PLD5: variants seen among roughly 807,000 people sequenced by gnomAD.
PLD5 encodes phospholipase D family member 5.
Under a neutral mutation model 61.1 loss-of-function variants are expected in PLD5, and 36 were observed. That is an observed-to-expected ratio of 0.59 (90% confidence interval 0.45 to 0.78). The LOEUF (loss-of-function observed/expected upper bound fraction) is 0.78, where lower values mean the gene tolerates loss of function less well. Among genes scored for constraint, PLD5 ranks in the 30% least tolerant of loss-of-function variants. PLD5 has a pLI of 0.00. For synonymous variants in PLD5, 243 were observed against 242.8 expected (o/e 1.00, Z -0.01); for missense variants, 515 against 644.4 (o/e 0.80, Z 2.17).
chr1:242,380,621 A>C (rs1035265713), intron 1 of PLD5, among the ~76,000 whole-genome samples: 5 of 152,102 alleles, frequency 3.3e-5, no homozygotes, highest in Non-Finnish European at 5.9e-5. Context: ...CAACCTACAA[A>C]ATGGAAGAAA....
intron 5 of PLD5, among the ~76,000 whole-genome samples, chr1:242,181,568 T>C (rs1011791382): frequency 2.0e-5 from 3 of 152,168 alleles, no homozygotes; most frequent in African/African-American, 7.2e-5. Flanking sequence ...AAACATCCTC[T>C]GCCTCCTGAG....
At chr1:242,294,094 A>G (rs749240978) in intron 2 of PLD5, among the ~76,000 whole-genome samples, 5 of 152,140 alleles carry the variant, frequency 3.3e-5, no homozygotes, top group Non-Finnish European at 5.9e-5. Context: ...TGGAATACCT[A>G]TTTGCCATCC....
chr1:242,164,206 T>C (rs768370451), intron 5 of PLD5, among the ~76,000 whole-genome samples: 1 of 152,004 alleles, frequency 6.6e-6, no homozygotes, highest in East Asian at 1.9e-4. Context: ...CATGCAATTA[T>C]GGAAAGTGCA....
intron 1 of PLD5, among the ~76,000 whole-genome samples, chr1:242,369,762 T>C (rs1661531640): frequency 6.6e-6 from 1 of 152,200 alleles, no homozygotes; most frequent in African/African-American, 2.4e-5. Flanking sequence ...TCTTGGACTA[T>C]ACCATCTCAA....
intron 5 of PLD5, among the ~76,000 whole-genome samples, chr1:242,131,013 ACTC>A (rs1281683180): frequency 6.6e-6 from 1 of 151,792 alleles, no homozygotes; most frequent in Non-Finnish European, 1.5e-5. Context: ...TTTATTGAAA[ACTC>A]AAGTTATGGC....
At chr1:242,486,418 CT>C (rs1245171744) in intron 1 of PLD5, among the ~76,000 whole-genome samples, 2 of 152,154 alleles carry the variant, frequency 1.3e-5, no homozygotes, top group African/African-American at 4.8e-5. Flanking sequence ...ACAGACACTT[CT>C]CAAAAGAAGA....
At chr1:242,302,029 C>T (rs1676079794) in intron 2 of PLD5, among the ~76,000 whole-genome samples, 2 of 152,196 alleles carry the variant, frequency 1.3e-5, no homozygotes, top group African/African-American at 2.4e-5. Flanking sequence ...GATCCGCCCA[C>T]CTTGGTCTCC....
intron 1 of PLD5, among the ~76,000 whole-genome samples, chr1:242,422,347 T>C (rs1665191584): frequency 6.6e-6 from 1 of 152,186 alleles, no homozygotes; most frequent in Non-Finnish European, 1.5e-5. Context: ...TTCCATTTCA[T>C]CTTCTTGGGA....
intron 1 of PLD5, among the ~76,000 whole-genome samples, chr1:242,514,399 G>A (rs1044689710): frequency 6.6e-6 from 1 of 152,118 alleles, no homozygotes; most frequent in Non-Finnish European, 1.5e-5. Flanking sequence ...TCTGGACAAG[G>A]CATGATTTAA....
intron 5 of PLD5, among the ~76,000 whole-genome samples, chr1:242,161,074 AAT>A (rs1665788310): frequency 6.6e-6 from 1 of 152,060 alleles, no homozygotes; most frequent in Non-Finnish European, 1.5e-5. Flanking sequence ...TAAATCATAA[AAT>A]ATTTTAATAG....
Position 242,131,624 on chromosome 1 carries a change from A to G in PLD5, c.736-6959T>C, listed in dbSNP as rs573926179. Among the ~76,000 whole-genome samples the G allele has an allele frequency of 5.3e-4, 81 of 152,252 alleles. 3 individuals are homozygous for G. The South Asian group carries it at 0.016, about 30-fold the overall frequency. On this transcript the variant is annotated intron_variant, in intron 5 of 9. Transcript: ENST00000536534. Reference sequence around the variant, plus strand: ...TCTTCAAGAAAGCTGATACAAGAATACTCAAAAATGAGTTTAATGTTTCAT... The same window carrying G: ...TCTTCAAGAAAGCTGATACAAGAATGCTCAAAAATGAGTTTAATGTTTCAT...
chr1:242,299,733 T>A (rs577012887), intron 2 of PLD5, among the ~76,000 whole-genome samples: 3 of 152,262 alleles, frequency 2.0e-5, no homozygotes, highest in Non-Finnish European at 4.4e-5. Flanking sequence ...TATGTTTGAT[T>A]GTTTTTGTTT....
At chr1:242,519,246 G>C (rs185610683) in intron 1 of PLD5, among the ~76,000 whole-genome samples, 3 of 152,252 alleles carry the variant, frequency 2.0e-5, no homozygotes, top group Admixed American at 2.0e-4. Context: ...CATAATATGA[G>C]CCTAGACCGC....
chr1:242,357,499 T>C (rs1660819221), intron 1 of PLD5, among the ~76,000 whole-genome samples: 1 of 151,842 alleles, frequency 6.6e-6, no homozygotes, highest in Non-Finnish European at 1.5e-5. Context: ...CTTTTTTTTT[T>C]TTTGAGACGG....
intron 4 of PLD5, among the ~76,000 whole-genome samples, chr1:242,238,206 T>C (rs982009769): frequency 1.3e-5 from 2 of 152,174 alleles, no homozygotes; most frequent in African/African-American, 4.8e-5. Context: ...ACTAGGCATG[T>C]CCAGGTATGC....
intron 5 of PLD5, among the ~76,000 whole-genome samples, chr1:242,128,582 G>A (rs1361163444): frequency 1.3e-5 from 2 of 152,182 alleles, no homozygotes; most frequent in Non-Finnish European, 1.5e-5. Context: ...ACTATTGCAA[G>A]CTCCACCAAT....
intron 5 of PLD5, among the ~76,000 whole-genome samples, chr1:242,196,589 T>C (rs1043309815): frequency 6.6e-6 from 1 of 152,236 alleles, no homozygotes; most frequent in Non-Finnish European, 1.5e-5. Context: ...TACATATACA[T>C]GTACACACAC....
intron 1 of PLD5, among the ~76,000 whole-genome samples, chr1:242,402,783 A>G (rs1664012950): frequency 6.6e-6 from 1 of 152,264 alleles, no homozygotes; most frequent in East Asian, 1.9e-4. Flanking sequence ...TATGGTAAGC[A>G]GTGAATAGAA....
intron 1 of PLD5, among the ~76,000 whole-genome samples, chr1:242,500,303 C>T (rs1668512778): frequency 2.0e-5 from 3 of 152,166 alleles, no homozygotes; most frequent in Admixed American, 6.5e-5. Flanking sequence ...TTTGGTTACA[C>T]ATTTGGTTAT....
Sources: allele counts gnomAD v4.1 joint callset (sites outside exome capture counted in the v4.1 genomes callset), GRCh38; gene constraint gnomAD v4.1.1; transcripts MANE v1.5; gene names NCBI Gene and HGNC (gene_info 2026-07-23, HGNC 2026-07-21).